GHR: variants seen among roughly 807,000 people sequenced by gnomAD.
GHR encodes the protein GH receptor.
In GHR, 35 loss-of-function variants were observed where a neutral mutation model predicts 67.1. The ratio of observed to expected loss-of-function variants is 0.52; its 90% CI spans 0.40 to 0.69. The LOEUF (loss-of-function observed/expected upper bound fraction) is 0.69. Ranked by LOEUF, GHR falls within the 30% of genes least tolerant of loss-of-function variation. GHR has a pLI of 0.00. For missense variants in GHR, 792 were observed against 764.6 expected, an observed-to-expected ratio of 1.04 and a Z score of -0.42; for synonymous variants, 272 against 269.1, an observed-to-expected ratio of 1.01 and a Z score of -0.10.
intron 1 of GHR, among the ~76,000 whole-genome samples, chr5:42,436,519 T>C (rs1743335590): frequency 6.6e-6 from 1 of 152,222 alleles, no homozygotes; most frequent in African/African-American, 2.4e-5. Context: ...TTTTAATATG[T>C]AGATATCCAC....
intron 2 of GHR, among the ~76,000 whole-genome samples, chr5:42,612,319 G>A (rs1393498503): frequency 1.3e-5 from 2 of 152,042 alleles, no homozygotes; most frequent in Admixed American, 6.5e-5. Context: ...AATTAGCTGT[G>A]GATAACTTTC....
At chr5:42,468,436 G>T in intron 1 of GHR, 1 of 948,558 alleles carries the variant, frequency 1.1e-6, no homozygotes, top group Non-Finnish European at 1.6e-6. Context: ...CCAGGGCCAA[G>T]ATGAGTATTG....
chr5:42,651,122 C>T (rs4866792), intron 3 of GHR, among the ~76,000 whole-genome samples: 128,722 of 152,122 alleles, frequency 0.85, 54,621 homozygotes, highest in East Asian at 1. Context: ...TTCAGGAATG[C>T]TGACAAGGCT....
At chr5:42,595,701 G>A (rs1017763367) in intron 2 of GHR, among the ~76,000 whole-genome samples, 4 of 152,208 alleles carry the variant, frequency 2.6e-5, no homozygotes, top group African/African-American at 9.6e-5. Flanking sequence ...GACCAAGCAG[G>A]GTAACTGTAT....
chr5:42,493,331 A>AT (rs1014473112), intron 1 of GHR, among the ~76,000 whole-genome samples: 2 of 152,288 alleles, frequency 1.3e-5, no homozygotes, highest in African/African-American at 4.8e-5. Context: ...TGAAAAGTAG[A>AT]TTTTTTAAAG....
At chr5:42,536,727 T>C (rs764306132) in intron 1 of GHR, among the ~76,000 whole-genome samples, 1 of 152,154 alleles carries the variant, frequency 6.6e-6, no homozygotes, top group African/African-American at 2.4e-5. Context: ...TGGAATAGCA[T>C]CAAAAGGATT....
At chr5:42,675,901 G>T (rs528994385) in intron 3 of GHR, among the ~76,000 whole-genome samples, 164 of 152,308 alleles carry the variant, frequency 1.1e-3, no homozygotes, top group Non-Finnish European at 1.7e-3. Context: ...AATGTAGACT[G>T]TGCCTTTATT....
chr5:42,598,702 G>A (rs1418147228), intron 2 of GHR, among the ~76,000 whole-genome samples: 1 of 152,178 alleles, frequency 6.6e-6, no homozygotes, highest in Non-Finnish European at 1.5e-5. Context: ...AAATGGCTAT[G>A]AGCCCCTGGA....
intron 1 of GHR, among the ~76,000 whole-genome samples, chr5:42,547,499 T>C (rs1253444487): frequency 6.6e-6 from 1 of 152,022 alleles, no homozygotes; most frequent in African/African-American, 2.4e-5. Context: ...GTCACCCGAG[T>C]ATGTAATTCA....
chr5:42,547,817 A>C (rs1490590523), intron 1 of GHR, among the ~76,000 whole-genome samples: 2 of 149,694 alleles, frequency 1.3e-5, no homozygotes, highest in Non-Finnish European at 3.0e-5. Flanking sequence ...TGAGCAATGA[A>C]ATTTTAGAAT....
chr5:42,493,491 T>A (rs1449024243), intron 1 of GHR, among the ~76,000 whole-genome samples: 3 of 152,194 alleles, frequency 2.0e-5, no homozygotes, highest in African/African-American at 7.2e-5. Flanking sequence ...CAGACCTGTG[T>A]ATATGACTTT....
At chr5:42,621,127 A>G (rs1381300001) in intron 2 of GHR, among the ~76,000 whole-genome samples, 2 of 152,076 alleles carry the variant, frequency 1.3e-5, no homozygotes, top group African/African-American at 2.4e-5. Context: ...GCTGTTCTCC[A>G]TAACGAAAAG....
At chr5:42,544,692 TAACCCAA>T (rs1748661054) in intron 1 of GHR, among the ~76,000 whole-genome samples, 1 of 152,104 alleles carries the variant, frequency 6.6e-6, no homozygotes, top group African/African-American at 2.4e-5. Context: ...GTATACAAAG[TAACCCAA>T]CAGACACACC....
At chr5:42,713,182 A>G (rs1758553839) in intron 7 of GHR, among the ~76,000 whole-genome samples, 1 of 152,144 alleles carries the variant, frequency 6.6e-6, no homozygotes, top group Non-Finnish European at 1.5e-5. Context: ...ATTGATTTTG[A>G]ACTATATGCT....
In GHR at chr5:42,424,884, A is replaced by AT; in HGVS notation, c.-12+930dup. On this transcript the variant is annotated intron_variant, in intron 1 of 9. Transcript: ENST00000230882. The surrounding 1 kb of genome is among the most constrained non-coding windows in gnomAD (Gnocchi z 4.1). ...GTCTGGCGCGGACTGTGTGTCCTGA[A>AT]TGAGTGTACGTGTGCGCTGTGTGTG... 1 of 480,852 alleles carries AT rather than the reference A, an allele frequency of 2.1e-6. No individual in the cohort carries two copies. Among genetic ancestry groups the AT allele is most frequent in the Non-Finnish European group, 2.7e-6 (1 of 368,668 alleles). The allele number at this position is 480,852 out of a possible 1,614,324, so 29.8% of individuals were successfully genotyped here. A position where few individuals can be genotyped will look rare whatever the true frequency, so the allele number is the denominator to read the frequency against.
intron 1 of GHR, among the ~76,000 whole-genome samples, chr5:42,524,264 A>G (rs1483634660): frequency 1.3e-5 from 2 of 152,180 alleles, no homozygotes; most frequent in African/African-American, 4.8e-5. Flanking sequence ...AACGATATGG[A>G]CAATAAAGTC....
chr5:42,585,815 C>T (rs1013339937), intron 2 of GHR, among the ~76,000 whole-genome samples: 2 of 151,498 alleles, frequency 1.3e-5, no homozygotes, highest in Non-Finnish European at 2.9e-5. Flanking sequence ...GGAAGAATAT[C>T]TAAGCTAACA....
chr5:42,660,212 T>C (rs1755510525), intron 3 of GHR, among the ~76,000 whole-genome samples: 1 of 152,152 alleles, frequency 6.6e-6, no homozygotes, highest in South Asian at 2.1e-4. Flanking sequence ...AGCAGTAACC[T>C]CTGCAGACTT....
intron 1 of GHR, chr5:42,467,333 C>T: frequency 9.4e-7 from 1 of 1,068,558 alleles, no homozygotes; most frequent in South Asian, 1.3e-5. Flanking sequence ...CGCTGATGTA[C>T]AATAAGATTT....
Sources: gnomAD v4.1 joint callset for allele counts (sites outside exome capture counted in the v4.1 genomes callset) on GRCh38, gnomAD v4.1.1 for gene constraint, Gnocchi (gnomAD v3.1) non-coding constraint, MANE v1.5 for transcripts, NCBI Gene and HGNC (gene_info 2026-07-23, HGNC 2026-07-21) for gene names.